MYO5A: variants seen among roughly 807,000 people sequenced by gnomAD.
MYO5A encodes myosin VA.
MYO5A carries 98 observed loss-of-function variants against 249.7 expected under a neutral mutation model. The observed-to-expected ratio is 0.39, with a 90% confidence interval of 0.33 to 0.46. The LOEUF (loss-of-function observed/expected upper bound fraction) is 0.46, where lower values mean the gene tolerates loss of function less well. Ranked by LOEUF, MYO5A falls within the 20% of genes least tolerant of loss-of-function variation. The probability of loss-of-function intolerance (pLI) is 0.98; values close to 1 mark genes in which losing one functional copy is unlikely to be tolerated. For missense variants in MYO5A, 1,696 were observed against 2,308.8 expected (o/e 0.73, Z 5.44); for synonymous variants, 778 against 810.6 (o/e 0.96, Z 0.68).
At chr15:52,487,332 C>T (rs1022230652) in intron 1 of MYO5A, among the ~76,000 whole-genome samples, 1 of 151,948 alleles carries the variant, frequency 6.6e-6, no homozygotes, top group Admixed American at 6.6e-5. Context: ...GGGAGGATTG[C>T]TTGAGGACAG....
At chr15:52,407,492 A>G in intron 7 of MYO5A, 93 bp from the exon 8 acceptor site, 1 of 814,414 alleles carries the variant, frequency 1.2e-6, no homozygotes, top group East Asian at 2.6e-5. Context: ...GTGATAGCAC[A>G]GTTGAGTGTA....
intron 22 of MYO5A, among the ~76,000 whole-genome samples, chr15:52,367,696 A>G (rs2040879602): frequency 6.6e-6 from 1 of 152,156 alleles, no homozygotes; most frequent in South Asian, 2.1e-4. Flanking sequence ...TGATGTCAAG[A>G]AAGAGAATTT....
In MYO5A at chr15:52,396,381, T is replaced by C; in HGVS notation, c.1336A>G (p.Ile446Val). Residue 446 changes from isoleucine (I) to valine (V), a missense_variant, in exon 11 of 42, where the codon ATA (isoleucine) becomes GTA (valine). Ile to Val is a conservative substitution (Grantham distance 29). This residue lies in a region of MYO5A where 277 missense variants were observed against 422.4 expected (regional missense o/e 0.66). Coordinates refer to ENST00000399233, the MANE Select transcript of MYO5A (RefSeq NM_001382347.1). ...LDIYGFETFE[I>V]NSFEQFCINY... ...ATGCAAAACTGTTCAAAACTATTTA[T>C]CTCAAATGTTTCAAATCTGTAACCA... is the stretch of plus-strand genomic sequence containing the variant. 1 of 1,563,890 alleles carries C rather than the reference T, an allele frequency of 6.4e-7. No homozygotes were observed. The highest frequency in any genetic ancestry group is 8.8e-7 in the Non-Finnish European group (1 of 1,138,122).
At chr15:52,485,259 TAAA>T (rs72085613) in intron 1 of MYO5A, among the ~76,000 whole-genome samples, 19,847 of 102,544 alleles carry the variant, frequency 0.19, 1,197 homozygotes, top group Middle Eastern at 0.27. Context: ...ATTCACTATG[TAAA>T]AAAAAAAAAA....
At chr15:52,360,978 C>T (rs1596342053) in intron 24 of MYO5A, among the ~76,000 whole-genome samples, 1 of 152,178 alleles carries the variant, frequency 6.6e-6, no homozygotes, top group East Asian at 1.9e-4. Flanking sequence ...TTGTACCTTT[C>T]CCCAGCTGCT....
At chr15:52,488,671 CAGAAGAAGAAAATGTTGGGA>C (rs1267833962) in intron 1 of MYO5A, among the ~76,000 whole-genome samples, 1 of 152,048 alleles carries the variant, frequency 6.6e-6, no homozygotes, top group Non-Finnish European at 1.5e-5. Flanking sequence ...TAAAATCTTT[CAGAAGAAGAAAATGTTGGGA>C]AAAAGAAGAA....
At chr15:52,519,729 G>A (rs114588743) in intron 1 of MYO5A, among the ~76,000 whole-genome samples, 6 of 151,460 alleles carry the variant, frequency 4.0e-5, no homozygotes, top group African/African-American at 1.2e-4. Context: ...TTGCACAGAC[G>A]CTCCATGGCT....
At position 52,493,387 on chromosome 15, in the gene MYO5A, G is replaced by A. The variant is rs892409645; in HGVS notation, c.27+35393C>T. On this transcript the variant is annotated intron_variant, in intron 1 of 41. Transcript: ENST00000399233. The stretch of plus-strand genomic sequence containing the variant: ...TTCAAAAATTTATTACTGGAGCTGG[G>A]CATGGTGGCTCACACCTGTAATCTC... Among the ~76,000 whole-genome samples the A allele has an allele frequency of 2.0e-5, 3 of 152,198 alleles. No individual in the cohort carries two copies. In the South Asian group the frequency reaches 6.2e-4, roughly 32 times the overall value.
At chr15:52,420,306 CAAA>C (rs3079056) in intron 4 of MYO5A, among the ~76,000 whole-genome samples, 1,398 of 124,432 alleles carry the variant, frequency 0.011, 15 homozygotes, top group African/African-American at 0.035. Flanking sequence ...CCCTGTATTA[CAAA>C]AAAAAAAAAA....
intron 21 of MYO5A, among the ~76,000 whole-genome samples, chr15:52,371,333 A>C (rs1283249522): frequency 1.3e-5 from 2 of 152,214 alleles, no homozygotes; most frequent in Non-Finnish European, 2.9e-5. Flanking sequence ...ATCTTTAATC[A>C]AACAAACTTT....
intron 1 of MYO5A, among the ~76,000 whole-genome samples, chr15:52,449,615 G>A (rs2075971953): frequency 6.6e-6 from 1 of 152,134 alleles, no homozygotes; most frequent in Non-Finnish European, 1.5e-5. Context: ...CCCATTTCCT[G>A]TGCCAGCTCT....
intron 1 of MYO5A, among the ~76,000 whole-genome samples, chr15:52,473,470 A>C (rs6493561): frequency 0.73 from 110,367 of 152,066 alleles, 42,073 homozygotes; most frequent in Non-Finnish European, 0.83. Context: ...GTCCTTGCCC[A>C]TGCCTATGTC....
chr15:52,348,723 C>A, intron 29 of MYO5A, 95 bp downstream of exon 29: 2 of 1,041,064 alleles, frequency 1.9e-6, no homozygotes, highest in South Asian at 3.1e-5. Flanking sequence ...TAGACTTGGT[C>A]AGAAAGCATC....
At chr15:52,492,503 T>C (rs2076954884) in intron 1 of MYO5A, among the ~76,000 whole-genome samples, 1 of 152,178 alleles carries the variant, frequency 6.6e-6, no homozygotes, top group Non-Finnish European at 1.5e-5. Context: ...CTTACTAAGA[T>C]TCCAGACTCC....
At chr15:52,315,972 C>T (rs996646913) in intron 40 of MYO5A, among the ~76,000 whole-genome samples, 4 of 151,940 alleles carry the variant, frequency 2.6e-5, no homozygotes, top group African/African-American at 9.7e-5. Context: ...CTGTGGCTCA[C>T]GCCTGTAATC....
At chr15:52,504,777 C>A (rs1477221607) in intron 1 of MYO5A, among the ~76,000 whole-genome samples, 1 of 151,852 alleles carries the variant, frequency 6.6e-6, no homozygotes, top group Non-Finnish European at 1.5e-5. Context: ...GTAATCCCAG[C>A]TACTCAGGAG....
intron 1 of MYO5A, among the ~76,000 whole-genome samples, chr15:52,515,728 T>C (rs145375300): frequency 1.3e-5 from 2 of 152,210 alleles, no homozygotes; most frequent in African/African-American, 4.8e-5. Context: ...CAGTTGTCTG[T>C]AGGGATCTAG....
intron 32 of MYO5A, 119 bp downstream of exon 32, chr15:52,340,077 G>A (rs1182032226): frequency 3.9e-6 from 4 of 1,025,856 alleles, no homozygotes; most frequent in East Asian, 5.1e-5. Context: ...AGTAAGAGGG[G>A]TAACAAGTAC....
intron 2 of MYO5A, among the ~76,000 whole-genome samples, chr15:52,431,696 A>AT (rs2075541783): frequency 6.6e-6 from 1 of 151,696 alleles, no homozygotes. Flanking sequence ...AAAAAAAAAA[A>AT]AAAAATAAGC....
Sources: allele counts gnomAD v4.1 joint callset (sites outside exome capture counted in the v4.1 genomes callset), GRCh38; gene constraint gnomAD v4.1.1; regional missense constraint gnomAD v4.1.1; transcripts MANE v1.5; gene names NCBI Gene and HGNC (gene_info 2026-07-23, HGNC 2026-07-21).